Variants in KAZN observed in about 807,000 individuals in gnomAD.
KAZN encodes the protein kazrin.
A neutral mutation model predicts 87.4 loss-of-function variants in KAZN; 40 were observed. The ratio of observed to expected loss-of-function variants is 0.46; its 90% CI spans 0.36 to 0.60. The LOEUF (loss-of-function observed/expected upper bound fraction) is 0.60, where lower values mean the gene tolerates loss of function less well. Ranked by LOEUF, KAZN falls within the 20% of genes least tolerant of loss-of-function variation. The probability of loss-of-function intolerance (pLI) is 0.00; values close to 1 mark genes in which losing one functional copy is unlikely to be tolerated. For missense variants in KAZN, 898 were observed against 1,073.9 expected (o/e 0.84, Z 2.29); for synonymous variants, 466 against 458.3 (o/e 1.02, Z -0.22).
At chr1:14,160,341 T>C (rs1645683299) in intron 1 of KAZN, among the ~76,000 whole-genome samples, 1 of 152,156 alleles carries the variant, frequency 6.6e-6, no homozygotes, top group South Asian at 2.1e-4. Flanking sequence ...TTTTCTGTTA[T>C]AAAAGGGCAG....
At chr1:14,160,105 A>G (rs1645678257) in intron 1 of KAZN, among the ~76,000 whole-genome samples, 2 of 152,288 alleles carry the variant, frequency 1.3e-5, no homozygotes, top group East Asian at 3.9e-4. Flanking sequence ...CCTTCTGTCC[A>G]CTGTCTCTGG....
At chr1:14,589,038 C>G (rs532048083) in intron 2 of KAZN, among the ~76,000 whole-genome samples, 1 of 152,206 alleles carries the variant, frequency 6.6e-6, no homozygotes, top group South Asian at 2.1e-4. Context: ...TTGAGCCCCT[C>G]CCCTTGGTAC....
intron 1 of KAZN, among the ~76,000 whole-genome samples, chr1:14,926,059 A>G (rs952489621): frequency 6.6e-6 from 1 of 152,204 alleles, no homozygotes; most frequent in Non-Finnish European, 1.5e-5. Context: ...TTCACCATAA[A>G]TGCTTAATGC....
chr1:14,340,447 C>T (rs1332403641), intron 2 of KAZN, among the ~76,000 whole-genome samples: 1 of 152,222 alleles, frequency 6.6e-6, no homozygotes, highest in Non-Finnish European at 1.5e-5. Flanking sequence ...ACTTGGAAAT[C>T]ACAACAATTT....
chr1:14,914,538 G>T (rs1657594568), intron 1 of KAZN, among the ~76,000 whole-genome samples: 1 of 152,176 alleles, frequency 6.6e-6, no homozygotes, highest in South Asian at 2.1e-4. Flanking sequence ...GGAGAGATGG[G>T]CACTTTAAGC....
At chr1:14,838,248 G>A (rs923174771) in intron 1 of KAZN, among the ~76,000 whole-genome samples, 4 of 152,204 alleles carry the variant, frequency 2.6e-5, no homozygotes, top group Non-Finnish European at 5.9e-5. Flanking sequence ...CAAGGGAGGA[G>A]CCCTCATGAC....
chr1:14,370,504 A>G (rs1408210981), intron 2 of KAZN, among the ~76,000 whole-genome samples: 3 of 152,116 alleles, frequency 2.0e-5, no homozygotes, highest in African/African-American at 7.2e-5. Context: ...GGGGACAGCT[A>G]TCTTGTGCAG....
intron 2 of KAZN, among the ~76,000 whole-genome samples, chr1:14,483,013 A>G (rs72645957): frequency 4.3e-5 from 3 of 70,154 alleles, no homozygotes; most frequent in Admixed American, 1.6e-4. Flanking sequence ...TCCGAGACTT[A>G]AATGAATGAA....
At chr1:14,418,038 A>AAAAAAAAAAC (rs1557705911) in intron 2 of KAZN, among the ~76,000 whole-genome samples, 1 of 133,266 alleles carries the variant, frequency 7.5e-6, no homozygotes, top group Non-Finnish European at 1.6e-5. Flanking sequence ...AAAAAAAAAA[A>AAAAAAAAAAC]AAAAAACCTA....
At chr1:13,943,488 T>C (rs1288007433) in intron 1 of KAZN, among the ~76,000 whole-genome samples, 1 of 152,020 alleles carries the variant, frequency 6.6e-6, no homozygotes, top group Non-Finnish European at 1.5e-5. Flanking sequence ...TAGAATTTCA[T>C]ATTTACAGAA....
chr1:14,998,322 C>T (rs1668109732), intron 2 of KAZN, among the ~76,000 whole-genome samples: 1 of 152,126 alleles, frequency 6.6e-6, no homozygotes, highest in Non-Finnish European at 1.5e-5. Context: ...TCTGCATCAA[C>T]TCAAATATAG....
At chr1:14,831,306 C>T (rs183571666) in intron 1 of KAZN, among the ~76,000 whole-genome samples, 42 of 152,332 alleles carry the variant, frequency 2.8e-4, no homozygotes, top group African/African-American at 8.7e-4. Context: ...CTGCTTCTAA[C>T]TGTTCTGGAG....
intron 1 of KAZN, among the ~76,000 whole-genome samples, chr1:14,848,559 G>A (rs942005539): frequency 1.3e-5 from 2 of 152,328 alleles, no homozygotes; most frequent in Middle Eastern, 3.4e-3. Context: ...CTGTAAGCAC[G>A]AGCGTGTGGG....
intron 8 of KAZN, among the ~76,000 whole-genome samples, chr1:15,078,020 A>T (rs1022710812): frequency 2.0e-5 from 3 of 152,196 alleles, no homozygotes; most frequent in Non-Finnish European, 4.4e-5. Flanking sequence ...GATGTGGATG[A>T]TGAGATAAAT....
intron 1 of KAZN, among the ~76,000 whole-genome samples, chr1:14,163,595 G>A (rs12568309): frequency 6.6e-6 from 1 of 152,272 alleles, no homozygotes; most frequent in Non-Finnish European, 1.5e-5. Flanking sequence ...GAAAACTGCT[G>A]ATCACCAGCT....
intron 1 of KAZN, among the ~76,000 whole-genome samples, chr1:13,962,319 C>G (rs1641784505): frequency 6.6e-6 from 1 of 152,134 alleles, no homozygotes; most frequent in East Asian, 1.9e-4. Flanking sequence ...GGGGCCTTAA[C>G]AATACCTTGT....
intron 1 of KAZN, among the ~76,000 whole-genome samples, chr1:14,919,424 G>A (rs564163498): frequency 3.2e-4 from 48 of 152,346 alleles, no homozygotes; most frequent in African/African-American, 7.5e-4. Flanking sequence ...CGATCCACCC[G>A]CCTTGGCCTC....
At chr1:14,665,936 A>G (rs974497537) in intron 1 of KAZN, among the ~76,000 whole-genome samples, 1 of 149,724 alleles carries the variant, frequency 6.7e-6, no homozygotes, top group Non-Finnish European at 1.5e-5. Context: ...TTTGCTCAAA[A>G]AAAAAAAAAA....
At chr1:14,406,339 C>T (rs1477518552) in intron 2 of KAZN, among the ~76,000 whole-genome samples, 1 of 152,062 alleles carries the variant, frequency 6.6e-6, no homozygotes, top group Non-Finnish European at 1.5e-5. Flanking sequence ...TATATACACA[C>T]AATGGAAGAC....
Sources: allele counts gnomAD v4.1 joint callset (sites outside exome capture counted in the v4.1 genomes callset), GRCh38; gene constraint gnomAD v4.1.1; transcripts MANE v1.5; gene names NCBI Gene and HGNC (gene_info 2026-07-23, HGNC 2026-07-21).